PRKAG2: variants seen among roughly 807,000 people sequenced by gnomAD.
The protein encoded by PRKAG2 is protein kinase AMP-activated non-catalytic subunit gamma 2, also known as 5'-AMP-activated protein kinase subunit gamma-2.
PRKAG2 carries 26 observed loss-of-function variants against 69.6 expected under a neutral mutation model. The ratio of observed to expected loss-of-function variants is 0.37; its 90% confidence interval spans 0.27 to 0.52. The LOEUF (loss-of-function observed/expected upper bound fraction) is 0.52, where lower values mean the gene tolerates loss of function less well. Ranked by LOEUF, PRKAG2 falls within the 20% of genes least tolerant of loss-of-function variation. The pLI is 0.90. For missense variants in PRKAG2, 557 were observed against 740.0 expected, an observed-to-expected ratio of 0.75 and a Z score of 2.87; for synonymous variants, 293 against 285.0, an observed-to-expected ratio of 1.03 and a Z score of -0.28.
At chr7:151,586,366 T>A (rs1397066936) in intron 6 of PRKAG2, among the ~76,000 whole-genome samples, 1 of 152,192 alleles carries the variant, frequency 6.6e-6, no homozygotes, top group Non-Finnish European at 1.5e-5. Flanking sequence ...ACCGATTCCA[T>A]TCATTCATAA....
intron 4 of PRKAG2, among the ~76,000 whole-genome samples, chr7:151,647,044 G>C (rs994360471): frequency 7.9e-5 from 12 of 152,254 alleles, no homozygotes; most frequent in Non-Finnish European, 1.6e-4. Flanking sequence ...GGAGGACTCA[G>C]GGTTGGAGAG....
At chr7:151,631,997 C>T (rs1824586968) in intron 5 of PRKAG2, 72 bp downstream of exon 5, 2 of 1,160,140 alleles carry the variant, frequency 1.7e-6, no homozygotes, top group East Asian at 8.3e-5. Context: ...GGCGCGGGGT[C>T]CCCGCGGGTC....
intron 3 of PRKAG2, among the ~76,000 whole-genome samples, chr7:151,750,391 T>C (rs995298031): frequency 6.6e-6 from 1 of 152,184 alleles, no homozygotes; most frequent in African/African-American, 2.4e-5. Flanking sequence ...GAATGGAGTC[T>C]ATTCTACAAT....
At chr7:151,819,577 C>T (rs1354449269) in intron 1 of PRKAG2, among the ~76,000 whole-genome samples, 1 of 152,236 alleles carries the variant, frequency 6.6e-6, no homozygotes, top group African/African-American at 2.4e-5. Context: ...AGTTCTAAAA[C>T]TGCAGGATTG....
rs922611774 is a variant in PRKAG2 at position 151,711,313 on chromosome 7, T to C, written c.467-35676A>G. Among the ~76,000 whole-genome samples, 4 of 112,810 alleles carry C rather than the reference T, an allele frequency of 3.5e-5. No homozygotes were observed. In the Admixed American group the frequency reaches 3.8e-4, roughly 11 times the overall value. 74.0% of individuals were successfully genotyped at this position (112,810 alleles called of 152,430 possible). A position where few individuals can be genotyped will look rare whatever the true frequency, so the allele number is the denominator to read the frequency against. ...TAGGCTGAGAGTACTGAGTGCTAGG[T>C]TTAGAGTACTGAGGGTGCTAGGCTT... On this transcript the variant is annotated intron_variant, in intron 3 of 15. Coordinates refer to ENST00000287878, the MANE Select transcript of PRKAG2 (RefSeq NM_016203.4).
intron 4 of PRKAG2, among the ~76,000 whole-genome samples, chr7:151,646,669 G>A (rs999881999): frequency 6.6e-6 from 1 of 152,060 alleles, no homozygotes; most frequent in African/African-American, 2.4e-5. Flanking sequence ...TTTTAGCTAT[G>A]TGTTCAGTGT....
chr7:151,776,271 C>T (rs1416401312), intron 3 of PRKAG2, among the ~76,000 whole-genome samples: 1 of 152,240 alleles, frequency 6.6e-6, no homozygotes, highest in East Asian at 1.9e-4. Flanking sequence ...TCAATCCTTG[C>T]CCTTGTGAGT....
chr7:151,626,507 A>C (rs771858995), intron 5 of PRKAG2, among the ~76,000 whole-genome samples: 4 of 152,140 alleles, frequency 2.6e-5, no homozygotes, highest in Non-Finnish European at 5.9e-5. Flanking sequence ...CTCAGCAGGG[A>C]AGGGTAGAGT....
chr7:151,858,532 A>T (rs547165519), intron 1 of PRKAG2, among the ~76,000 whole-genome samples: 6 of 152,164 alleles, frequency 3.9e-5, no homozygotes, highest in Non-Finnish European at 8.8e-5. Context: ...ACACCCCATT[A>T]TTCCCCTCCA....
At position 151,575,171 on chromosome 7, in the gene PRKAG2, C is replaced by T. The variant is rs546065358; in HGVS notation, c.947-222G>A. On this transcript the variant is annotated intron_variant, in intron 7 of 15. Transcript: ENST00000287878. ...AAATTAAACCTGACAGTAAGTACTA[C>T]GGAACTAACCAGAGAATTTGGCAAA... is the stretch of plus-strand genomic sequence containing the variant. Among the ~76,000 whole-genome samples the T allele has an allele frequency of 1.7e-3, 261 of 152,136 alleles. 1 individual carries two copies. Among genetic ancestry groups the T allele is most frequent in the African/African-American group, 5.3e-3 (221 of 41,480 alleles).
intron 1 of PRKAG2, among the ~76,000 whole-genome samples, chr7:151,852,410 G>T (rs2079593380): frequency 6.6e-6 from 1 of 152,142 alleles, no homozygotes; most frequent in Non-Finnish European, 1.5e-5. Flanking sequence ...CAGGAGAATT[G>T]CTTGAACCCA....
intron 3 of PRKAG2, among the ~76,000 whole-genome samples, chr7:151,772,031 G>A (rs2076045604): frequency 6.6e-6 from 1 of 152,246 alleles, no homozygotes; most frequent in Admixed American, 6.5e-5. Context: ...CAGAATTCCT[G>A]TCCTCAGACA....
At chr7:151,617,308 G>C (rs553257024) in intron 5 of PRKAG2, among the ~76,000 whole-genome samples, 106 of 118,392 alleles carry the variant, frequency 9.0e-4, no homozygotes, top group Non-Finnish European at 1.7e-3. Flanking sequence ...GGGAGGGAGG[G>C]AGAGAGGGAG....
intron 3 of PRKAG2, among the ~76,000 whole-genome samples, chr7:151,683,313 G>A (rs1380898318): frequency 6.6e-6 from 1 of 152,190 alleles, no homozygotes; most frequent in African/African-American, 2.4e-5. Context: ...TAGCTGTGCT[G>A]GGTGGAAACA....
At chr7:151,727,856 G>A (rs969932838) in intron 3 of PRKAG2, among the ~76,000 whole-genome samples, 1 of 152,178 alleles carries the variant, frequency 6.6e-6, no homozygotes, top group African/African-American at 2.4e-5. Flanking sequence ...CCAGCCAAAA[G>A]TGGGGCCCAG....
intron 15 of PRKAG2, chr7:151,560,090 G>A: frequency 2.0e-6 from 2 of 984,610 alleles, no homozygotes; most frequent in Non-Finnish European, 2.4e-6. Flanking sequence ...AAAAGTTTGT[G>A]TTTAGGTATT....
Position 151,807,995 on chromosome 7 carries a change from C to T in PRKAG2, c.115-21454G>A, listed in dbSNP as rs142977469. On this transcript the variant is annotated intron_variant, in intron 1 of 15. Transcript: ENST00000287878. This position sits in a 1 kb window ranked among gnomAD's most constrained non-coding sequence, Gnocchi z 4.4. ...GTAACCCCTCCCTACAAACTACCCC[C>T]TTTCCCTCTGCCCAAGTGAGCACAG... is the stretch of plus-strand genomic sequence containing the variant. Among the ~76,000 whole-genome samples, 200 of 152,280 alleles carry T rather than the reference C, an allele frequency of 1.3e-3. No individual in the cohort carries two copies. Among genetic ancestry groups the T allele is most frequent in the African/African-American group, 4.5e-3 (187 of 41,542 alleles).
At chr7:151,786,624 C>G in intron 1 of PRKAG2, 83 bp from the exon 2 acceptor site, 1 of 1,112,966 alleles carries the variant, frequency 9.0e-7, no homozygotes, top group Admixed American at 2.0e-5. Flanking sequence ...GGTGTCACCT[C>G]CCCCTTCCTG....
intron 1 of PRKAG2, among the ~76,000 whole-genome samples, chr7:151,844,822 T>G (rs924051545): frequency 4.6e-5 from 7 of 152,208 alleles, no homozygotes; most frequent in Non-Finnish European, 1.0e-4. Context: ...CAGTAAGTAT[T>G]TACTGGATGA....
Sources: gnomAD v4.1 joint callset for allele counts (sites outside exome capture counted in the v4.1 genomes callset) on GRCh38, gnomAD v4.1.1 for gene constraint, Gnocchi (gnomAD v3.1) non-coding constraint, MANE v1.5 for transcripts, NCBI Gene and HGNC (gene_info 2026-07-23, HGNC 2026-07-21) for gene names.